ZNF81: variants seen among roughly 807,000 people sequenced by gnomAD.
The protein encoded by ZNF81 is zinc finger protein 81.
In ZNF81, 5 loss-of-function variants were observed where a neutral mutation model predicts 32.3. The ratio of observed to expected loss-of-function variants is 0.15; its 90% CI spans 0.08 to 0.33. The LOEUF (loss-of-function observed/expected upper bound fraction) is 0.33, where lower values mean the gene tolerates loss of function less well. ZNF81 is among the 10% of genes least tolerant of loss of function. ZNF81 has a pLI of 1.00. For synonymous variants in ZNF81, 163 were observed against 166.8 expected (o/e 0.98, Z 0.17); for missense variants, 379 against 479.8 (o/e 0.79, Z 1.96).
At chrX:47,864,173 G>A (rs1195087768) in intron 2 of ZNF81, among the ~76,000 whole-genome samples, 5 of 111,632 alleles carry the variant, frequency 4.5e-5, no homozygotes. Flanking sequence ...AAGGGAGGTA[G>A]ACTCTGAAGT....
At chrX:47,896,113 T>G (rs2058679174) in intron 4 of ZNF81, among the ~76,000 whole-genome samples, 173 bp downstream of exon 4, 1 of 111,994 alleles carries the variant, frequency 8.9e-6, no homozygotes, top group Non-Finnish European at 1.9e-5. Flanking sequence ...CTTTTATTTC[T>G]CTTACTGTTA....
intron 1 of ZNF81, among the ~76,000 whole-genome samples, chrX:47,845,323 A>G (rs782700622): frequency 9.0e-6 from 1 of 111,518 alleles, no homozygotes; most frequent in East Asian, 2.8e-4. Flanking sequence ...CTCAACTTGG[A>G]CACAGAGACA....
intron 4 of ZNF81, among the ~76,000 whole-genome samples, chrX:47,902,141 A>T (rs1192964905): frequency 1.8e-5 from 2 of 111,062 alleles, no homozygotes; most frequent in Non-Finnish European, 3.8e-5. Flanking sequence ...CAATATTTCG[A>T]CATAAGTTTT....
At chrX:47,871,855 C>A (rs782633443) in intron 2 of ZNF81, among the ~76,000 whole-genome samples, 2 of 112,068 alleles carry the variant, frequency 1.8e-5, no homozygotes, top group East Asian at 5.6e-4. Flanking sequence ...CCAACAGCAT[C>A]CAGAAGAACT....
Position 47,917,400 on chromosome X carries a change from C to T in ZNF81, c.*768C>T. 3.4e-6 allele frequency: 1 copy of T among 294,740 alleles called. No homozygotes were observed. The highest frequency in any genetic ancestry group is 6.1e-5 in the Admixed American group (1 of 16,363). 24.3% of individuals were successfully genotyped at this position (294,740 alleles called of 1,213,427 possible). A position where few individuals can be genotyped will look rare whatever the true frequency, so the allele number is the denominator to read the frequency against. On this transcript the variant is annotated 3_prime_UTR_variant, in exon 5 of 5. Transcript: ENST00000338637. Reference sequence around the variant, plus strand: ...CACAGATTCCTCCCATCCCAAGTAGCGTCTCTTTGTCTACTACTTGACTTT... The same window carrying T: ...CACAGATTCCTCCCATCCCAAGTAGTGTCTCTTTGTCTACTACTTGACTTT...
intron 2 of ZNF81, among the ~76,000 whole-genome samples, chrX:47,858,945 C>G (rs2058527990): frequency 9.1e-6 from 1 of 109,814 alleles, no homozygotes; most frequent in African/African-American, 3.3e-5. Flanking sequence ...ACAAAATTAG[C>G]CGGGCGTGGT....
At chrX:47,877,439 C>T (rs782593686) in intron 2 of ZNF81, among the ~76,000 whole-genome samples, 105 of 112,055 alleles carry the variant, frequency 9.4e-4, no homozygotes, top group Middle Eastern at 4.6e-3. Context: ...TGAGAGAACG[C>T]GGTGCCATGC....
At chrX:47,841,372 C>T (rs1385381142) in intron 1 of ZNF81, 22 of 699,697 alleles carry the variant, frequency 3.1e-5, no homozygotes, top group Non-Finnish European at 3.8e-5. Flanking sequence ...TTTCTTTAGG[C>T]GGTCTTGCAG....
intron 2 of ZNF81, among the ~76,000 whole-genome samples, chrX:47,875,205 T>C (rs936406287): frequency 8.9e-6 from 1 of 112,084 alleles, no homozygotes; most frequent in Non-Finnish European, 1.9e-5. Context: ...ATTCTCCCAT[T>C]TGCTCTTCTG....
At chrX:47,893,917 C>T (rs1185778164) in intron 3 of ZNF81, among the ~76,000 whole-genome samples, 2 of 111,542 alleles carry the variant, frequency 1.8e-5, no homozygotes, top group East Asian at 2.8e-4. Flanking sequence ...ACAAAGGCTT[C>T]GAAGGTGCAT....
At chrX:47,894,004 A>C (rs1556886840) in intron 3 of ZNF81, among the ~76,000 whole-genome samples, 1 of 111,490 alleles carries the variant, frequency 9.0e-6, no homozygotes, top group East Asian at 2.8e-4. Flanking sequence ...CAAAACTGTC[A>C]AAGAAAACCA....
intron 4 of ZNF81, among the ~76,000 whole-genome samples, chrX:47,910,103 T>C (rs1187939588): frequency 8.9e-5 from 10 of 111,928 alleles, no homozygotes; most frequent in Non-Finnish European, 3.8e-5. Context: ...GCATGATTTA[T>C]AGTCCTTTGG....
Position 47,892,463 on chromosome X carries a change from G to T in ZNF81, c.182-3382G>T, listed in dbSNP as rs149205646. On this transcript the variant is annotated intron_variant, in intron 3 of 4. Coordinates refer to ENST00000338637, the MANE Select transcript of ZNF81 (RefSeq NM_007137.5). ...CAGAGTAGATGAACAGGTATCACAA[G>T]ATAAATCCCCTCCAACAGTACAATT... Among the ~76,000 whole-genome samples the T allele has an allele frequency of 5.9e-3, 656 of 112,095 alleles. 5 individuals carry two copies. Among genetic ancestry groups the T allele is most frequent in the African/African-American group, 0.02 (627 of 30,859 alleles).
rs2058751282 is a variant in ZNF81, at chrX:47,915,067, A to G, written c.421A>G (p.Arg141Gly). The G allele has an allele frequency of 2.5e-6, 3 of 1,207,563 alleles. No homozygotes were observed. Among genetic ancestry groups the G allele is most frequent in the Non-Finnish European group, 3.4e-6 (3 of 894,555 alleles). The change falls in exon 5 of 5, where the codon AGA (arginine) becomes GGA (glycine). Residue 141 changes from arginine to glycine, a missense_variant. By Grantham distance (125) the Arg-to-Gly change is moderately radical (BLOSUM62 -2). Transcript: ENST00000338637. ...ELWQDAEQIKRCQEKHNKLLS... is the reference protein window; with the variant it reads ...ELWQDAEQIKGCQEKHNKLLS... ...GTGGCAAGATGCTGAACAGATAAAG[A>G]GATGTCAGGAAAAACACAACAAACT...
At position 47,921,376 on chromosome X, in the gene ZNF81, A is replaced by C. The variant is rs1392186969; in HGVS notation, c.*4744A>C. The C allele has an allele frequency of 9.1e-6, 1 of 109,743 alleles. No homozygotes were observed. The highest frequency in any genetic ancestry group is 1.9e-5 in the Non-Finnish European group (1 of 52,800). 9.0% of individuals were successfully genotyped at this position (109,743 alleles called of 1,213,427 possible). ...GCTGTTGGAAAATGAGAGCGATCAC[A>C]TGGAGCAGTAATGGAGCAAAGACCA... On this transcript the variant is annotated 3_prime_UTR_variant, in exon 5 of 5. Coordinates refer to ENST00000338637, the MANE Select transcript of ZNF81 (RefSeq NM_007137.5).
chrX:47,909,977 A>G (rs1556889699), intron 4 of ZNF81, among the ~76,000 whole-genome samples: 1 of 111,049 alleles, frequency 9.0e-6, no homozygotes, highest in African/African-American at 3.3e-5. Context: ...CATGGTGTAT[A>G]TGTGCCACAT....
At chrX:47,850,183 A>G (rs1448215651) in intron 2 of ZNF81, among the ~76,000 whole-genome samples, 1 of 110,674 alleles carries the variant, frequency 9.0e-6, no homozygotes, top group Non-Finnish European at 1.9e-5. Flanking sequence ...ATTACTTGTA[A>G]CAGCCAGAAA....
chrX:47,923,301 C>T lies in ZNF81; in HGVS notation c.*6669C>T, dbSNP rs943204692. ...GAGGTGGGATTTGAGAGCTTGTTTC[C>T]GGCATCTTAGTGTCATCCAGCTATC... On this transcript the variant is annotated 3_prime_UTR_variant, in exon 5 of 5. Transcript: ENST00000338637. 8.1e-5 allele frequency among the ~76,000 whole-genome samples: 9 copies of T among 111,275 alleles called. No homozygotes were observed. Among genetic ancestry groups the T allele is most frequent in the African/African-American group, 1.3e-4 (4 of 30,503 alleles).
chrX:47,892,424 C>T (rs1285435944), intron 3 of ZNF81, among the ~76,000 whole-genome samples: 1 of 112,157 alleles, frequency 8.9e-6, no homozygotes, highest in East Asian at 2.8e-4. Context: ...ACAGGTGTGT[C>T]CTCTGGACCC....
Sources: gnomAD v4.1 joint callset for allele counts (sites outside exome capture counted in the v4.1 genomes callset) on GRCh38, gnomAD v4.1.1 for gene constraint, MANE v1.5 for transcripts, NCBI Gene and HGNC (gene_info 2026-07-23, HGNC 2026-07-21) for gene names.